Variants in MGAT3 observed in about 807,000 individuals in gnomAD.
The protein encoded by MGAT3 is GlcNAc-T III.
Under a neutral mutation model 29.8 loss-of-function variants are expected in MGAT3, and 9 were observed. That is an observed-to-expected ratio of 0.30 (90% CI 0.18 to 0.53). MGAT3 has a LOEUF of 0.53. MGAT3 is among the 20% of genes least tolerant of loss of function. The pLI, the probability that MGAT3 is intolerant of heterozygous loss-of-function variation, is 0.96. For synonymous variants in MGAT3, 397 were observed against 348.9 expected, an observed-to-expected ratio of 1.14 and a Z score of -1.54; for missense variants, 557 against 769.5, an observed-to-expected ratio of 0.72 and a Z score of 3.27.
At chr22:39,479,018 A>G (rs1251576345) in intron 1 of MGAT3, among the ~76,000 whole-genome samples, 2 of 152,214 alleles carry the variant, frequency 1.3e-5, no homozygotes, top group Non-Finnish European at 2.9e-5. Context: ...GCTGCCAGGA[A>G]GCACCTGGCC....
chr22:39,475,150 T>TTTTTTTTTTTTTTTTTTTTTTTTTTTTG (rs869025760), intron 1 of MGAT3, among the ~76,000 whole-genome samples: 1 of 130,550 alleles, frequency 7.7e-6, no homozygotes, highest in African/African-American at 2.9e-5. Flanking sequence ...TTTTTTTTTT[T>TTTTTTTTTTTTTTTTTTTTTTTTTTTTG]AACTGTAGAA....
intron 1 of MGAT3, among the ~76,000 whole-genome samples, chr22:39,462,066 T>A (rs926405652): frequency 1.3e-5 from 2 of 152,094 alleles, no homozygotes; most frequent in Admixed American, 6.5e-5. Flanking sequence ...CATGCCCAGC[T>A]AATTTTTGTA....
chr22:39,467,432 T>C (rs1928680258), intron 1 of MGAT3, among the ~76,000 whole-genome samples: 1 of 152,154 alleles, frequency 6.6e-6, no homozygotes, highest in Non-Finnish European at 1.5e-5. Flanking sequence ...GACTGGGCCT[T>C]CTCGCTTTGG....
In MGAT3 at chr22:39,470,959, T is replaced by G. The variant is rs934509810; in HGVS notation, c.-2+13402T>G. ...CGCCCCACGCTGACTCCTGAGAGAT[T>G]GGGGGTGGGCACCCAGGACAGCCCA... On this transcript the variant is annotated intron_variant, in intron 1 of 1. Coordinates refer to ENST00000341184, the MANE Select transcript of MGAT3 (RefSeq NM_002409.5). 1.2e-4 allele frequency among the ~76,000 whole-genome samples: 19 copies of G among 152,130 alleles called. 1 individual carries two copies. Among genetic ancestry groups the G allele is most frequent in the Non-Finnish European group, 2.9e-5 (2 of 67,994 alleles).
At chr22:39,482,630 G>C (rs1427192412) in intron 1 of MGAT3, among the ~76,000 whole-genome samples, 1 of 152,156 alleles carries the variant, frequency 6.6e-6, no homozygotes, top group Non-Finnish European at 1.5e-5. Flanking sequence ...TTTATATGCT[G>C]TCTCAATAAA....
At chr22:39,475,194 A>G (rs1169391329) in intron 1 of MGAT3, among the ~76,000 whole-genome samples, 7 of 145,336 alleles carry the variant, frequency 4.8e-5, no homozygotes, top group Non-Finnish European at 8.9e-5. Flanking sequence ...CGAGGAGCTC[A>G]GTGTCTGAAA....
At chr22:39,466,452 C>T (rs1334480630) in intron 1 of MGAT3, among the ~76,000 whole-genome samples, 3 of 152,236 alleles carry the variant, frequency 2.0e-5, no homozygotes, top group African/African-American at 7.2e-5. Context: ...CCTCTGACCT[C>T]CTTCCTCCGG....
At chr22:39,480,553 C>T (rs940561981) in intron 1 of MGAT3, among the ~76,000 whole-genome samples, 2 of 152,212 alleles carry the variant, frequency 1.3e-5, no homozygotes, top group Admixed American at 6.5e-5. Context: ...TCCCACCCCG[C>T]CCATCCCTCA....
rs928243761 is a variant in MGAT3, at chr22:39,457,933, C to T, written c.-2+376C>T. 4.0e-5 allele frequency among the ~76,000 whole-genome samples: 6 copies of T among 150,998 alleles called. No individual in the cohort carries two copies. The highest frequency in any genetic ancestry group is 1.2e-4 in the African/African-American group (5 of 40,708). On this transcript the variant is annotated intron_variant, in intron 1 of 1. Coordinates refer to ENST00000341184, the MANE Select transcript of MGAT3 (RefSeq NM_002409.5). This position sits in a 1 kb window ranked among gnomAD's most constrained non-coding sequence, Gnocchi z 6.8. ...TCCGGCGCGGCTCCCCCACAACCTC[C>T]GGCGCGGCGCGGGGCTGGGGTGGGA...
intron 1 of MGAT3, among the ~76,000 whole-genome samples, chr22:39,486,420 G>A (rs1465392822): frequency 6.6e-6 from 1 of 152,196 alleles, no homozygotes; most frequent in Non-Finnish European, 1.5e-5. Context: ...TGGGATTATA[G>A]GCGTGAGCCA....
At chr22:39,472,179 G>T (rs1008071984) in intron 1 of MGAT3, among the ~76,000 whole-genome samples, 1 of 152,042 alleles carries the variant, frequency 6.6e-6, no homozygotes, top group South Asian at 2.1e-4. Context: ...CTGTCTGGCC[G>T]TCTCCTGTGG....
At chr22:39,479,499 G>T (rs572814710) in intron 1 of MGAT3, among the ~76,000 whole-genome samples, 1 of 152,308 alleles carries the variant, frequency 6.6e-6, no homozygotes, top group Non-Finnish European at 1.5e-5. Flanking sequence ...AGCAGGTTTA[G>T]GTTTTGCTCC....
intron 1 of MGAT3, among the ~76,000 whole-genome samples, chr22:39,481,100 C>A (rs1929113227): frequency 6.6e-6 from 1 of 152,254 alleles, no homozygotes; most frequent in Non-Finnish European, 1.5e-5. Context: ...CCTCCAGGCC[C>A]TGTGATCTGG....
intron 1 of MGAT3, among the ~76,000 whole-genome samples, chr22:39,473,783 G>C (rs1048571554): frequency 2.6e-5 from 4 of 151,448 alleles, no homozygotes; most frequent in Non-Finnish European, 5.9e-5. Context: ...CCGGGTGATC[G>C]GGGCTAGGGG....
chr22:39,484,192 G>T, intron 1 of MGAT3, among the ~76,000 whole-genome samples: 1 of 152,194 alleles, frequency 6.6e-6, no homozygotes, highest in Non-Finnish European at 1.5e-5. Flanking sequence ...GATCAATCGT[G>T]TTGTGATTCT....
intron 1 of MGAT3, among the ~76,000 whole-genome samples, chr22:39,460,998 T>TCC (rs1568998333): frequency 6.6e-6 from 1 of 151,770 alleles, no homozygotes; most frequent in South Asian, 2.1e-4. Flanking sequence ...TCTGACTGAG[T>TCC]CCCCCTGCCC....
chr22:39,488,873 C>G lies in MGAT3; in HGVS notation c.1526C>G (p.Ala509Gly). ...DNPYQEPRST[A>G]AGGWRHRGPE... is the part of the protein sequence containing the mutation. ...CCCTACCAGGAGCCCAGGAGCACGG[C>G]GGCGGGCGGGTGGCGCCACAGGGGT... The change falls in exon 2 of 2, where the codon GCG becomes GGG. Residue 509 changes from alanine (A) to glycine (G), a missense_variant. Around this residue, in one of 3 missense-constraint regions of MGAT3, gnomAD observed 102 missense variants for 97.0 expected, o/e 1.05. Transcript: ENST00000341184. 1 of 1,600,702 alleles carries G rather than the reference C, an allele frequency of 6.2e-7. No homozygotes were observed. The highest frequency in any genetic ancestry group is 8.5e-7 in the Non-Finnish European group (1 of 1,174,220).
At chr22:39,474,266 C>T (rs538904420) in intron 1 of MGAT3, among the ~76,000 whole-genome samples, 44 of 152,252 alleles carry the variant, frequency 2.9e-4, no homozygotes, top group Non-Finnish European at 4.9e-4. Context: ...GCAGCGAATC[C>T]GATCATCTAC....
At chr22:39,466,558 C>A (rs184720908) in intron 1 of MGAT3, among the ~76,000 whole-genome samples, 139 of 152,328 alleles carry the variant, frequency 9.1e-4, no homozygotes, top group Middle Eastern at 6.8e-3. Flanking sequence ...TCCTACTTCC[C>A]GGCCTTTGCT....
Sources: allele counts gnomAD v4.1 joint callset (sites outside exome capture counted in the v4.1 genomes callset), GRCh38; gene constraint gnomAD v4.1.1; regional missense constraint gnomAD v4.1.1; non-coding constraint Gnocchi (gnomAD v3.1); transcripts MANE v1.5; gene names NCBI Gene and HGNC (gene_info 2026-07-23, HGNC 2026-07-21).